CHD6: variants seen among roughly 807,000 people sequenced by gnomAD.
CHD6 encodes the protein chromodomain helicase DNA binding protein 6.
CHD6 carries 50 observed loss-of-function variants against 276.9 expected under a neutral mutation model. The observed-to-expected ratio is 0.18, with a 90% CI of 0.14 to 0.23. The LOEUF (loss-of-function observed/expected upper bound fraction) is 0.23. Among genes scored for constraint, CHD6 ranks in the 10% least tolerant of loss-of-function variants. CHD6 has a pLI of 1.00. For missense variants in CHD6, 2,564 were observed against 3,365.8 expected (o/e 0.76, Z 5.89); for synonymous variants, 1,173 against 1,229.3 (o/e 0.95, Z 0.96).
intron 1 of CHD6, among the ~76,000 whole-genome samples, chr20:41,570,014 G>A (rs1442665546): frequency 6.6e-6 from 1 of 152,036 alleles, no homozygotes; most frequent in Non-Finnish European, 1.5e-5. Context: ...CAGCTCCAAT[G>A]GCATGATTTA....
At chr20:41,593,952 T>C (rs2045691094) in intron 1 of CHD6, among the ~76,000 whole-genome samples, 2 of 151,002 alleles carry the variant, frequency 1.3e-5, no homozygotes, top group Admixed American at 1.3e-4. Context: ...TATTTTGGTA[T>C]GGCCCTAACG....
chr20:41,555,724 T>C (rs1429473272), intron 1 of CHD6, among the ~76,000 whole-genome samples: 4 of 145,176 alleles, frequency 2.8e-5, no homozygotes, highest in Admixed American at 6.8e-5. Context: ...CCTCACTTCC[T>C]AGATGGGATG....
At chr20:41,480,780 A>G (rs1234109888) in intron 16 of CHD6, among the ~76,000 whole-genome samples, 1 of 152,236 alleles carries the variant, frequency 6.6e-6, no homozygotes, top group African/African-American at 2.4e-5. Context: ...GGGAAGGTAG[A>G]GAGTGAATTA....
At chr20:41,568,697 A>G (rs2045385088) in intron 1 of CHD6, among the ~76,000 whole-genome samples, 2 of 152,346 alleles carry the variant, frequency 1.3e-5, no homozygotes, top group South Asian at 4.1e-4. Flanking sequence ...CCCTTTGTTT[A>G]AAGAGAAGAC....
At chr20:41,499,508 G>A in intron 5 of CHD6, 151 bp from the exon 6 acceptor site, 1 of 591,576 alleles carries the variant, frequency 1.7e-6, no homozygotes, top group Non-Finnish European at 2.9e-6. Flanking sequence ...GTGGTCAAAA[G>A]GTCACAAGCA....
At chr20:41,567,311 C>G (rs2045366411) in intron 1 of CHD6, among the ~76,000 whole-genome samples, 1 of 152,190 alleles carries the variant, frequency 6.6e-6, no homozygotes, top group Middle Eastern at 3.2e-3. Flanking sequence ...TCTTCGGTCA[C>G]TGTGTCTAGC....
intron 19 of CHD6, 42 bp from the exon 20 acceptor site, chr20:41,454,778 A>G (rs199804067): frequency 1.8e-5 from 25 of 1,368,066 alleles, no homozygotes; most frequent in Non-Finnish European, 2.5e-5. Flanking sequence ...CTTGAACACA[A>G]TACAAACTAA....
At chr20:41,501,752 T>G (rs1348791229) in intron 5 of CHD6, among the ~76,000 whole-genome samples, 1 of 152,174 alleles carries the variant, frequency 6.6e-6, no homozygotes, top group Non-Finnish European at 1.5e-5. Flanking sequence ...TGTCAAAAAT[T>G]TTCTCAGTGA....
chr20:41,504,556 C>A (rs2043930907), intron 5 of CHD6, among the ~76,000 whole-genome samples: 2 of 151,910 alleles, frequency 1.3e-5, no homozygotes, highest in Admixed American at 1.3e-4. Context: ...ACTACAGGCA[C>A]AAGCCACCAC....
At chr20:41,581,736 T>C (rs2045543088) in intron 1 of CHD6, among the ~76,000 whole-genome samples, 1 of 151,732 alleles carries the variant, frequency 6.6e-6, no homozygotes, top group South Asian at 2.1e-4. Context: ...ACTGAAAAAG[T>C]AAATCTACTA....
At chr20:41,544,579 G>A (rs868055985) in intron 2 of CHD6, among the ~76,000 whole-genome samples, 18 of 151,462 alleles carry the variant, frequency 1.2e-4, no homozygotes, top group African/African-American at 4.4e-4. Context: ...GATAACATTA[G>A]TAACATGAAT....
chr20:41,412,014 G>C, intron 36 of CHD6, 130 bp downstream of exon 36: 2 of 1,319,804 alleles, frequency 1.5e-6, no homozygotes, highest in Middle Eastern at 2.8e-4. Context: ...TCCTGTGCTG[G>C]CTTCTAGTCC....
chr20:41,516,209 G>T (rs2044247386), intron 3 of CHD6, among the ~76,000 whole-genome samples: 1 of 151,870 alleles, frequency 6.6e-6, no homozygotes, highest in African/African-American at 2.4e-5. Flanking sequence ...TGTTGCCCAG[G>T]ATGGGGTGCA....
chr20:41,597,435 T>A (rs2146277267), intron 1 of CHD6, among the ~76,000 whole-genome samples: 1 of 152,322 alleles, frequency 6.6e-6, no homozygotes, highest in Non-Finnish European at 1.5e-5. Context: ...TTCTCAGGAC[T>A]CAAGGCCTCC....
chr20:41,450,848 T>C, intron 23 of CHD6, 98 bp downstream of exon 23: 1 of 1,109,648 alleles, frequency 9.0e-7, no homozygotes, highest in Admixed American at 2.1e-5. Flanking sequence ...TGCACAGAAG[T>C]AGCACAAGAG....
intron 6 of CHD6, 35 bp from the exon 7 acceptor site, chr20:41,498,261 C>A (rs1455920896): frequency 6.5e-7 from 1 of 1,540,722 alleles, no homozygotes; most frequent in Non-Finnish European, 8.9e-7. Context: ...CAGCCCAGAT[C>A]CCAGGCAGAT....
intron 8 of CHD6, among the ~76,000 whole-genome samples, chr20:41,494,504 G>GT (rs778233500): frequency 1.3e-5 from 2 of 152,150 alleles, no homozygotes; most frequent in African/African-American, 2.4e-5. Context: ...AATACTTAAG[G>GT]TATGTCCAGA....
chr20:41,532,773 G>C lies in CHD6; in HGVS notation c.554+277C>G, dbSNP rs146800199. Among the ~76,000 whole-genome samples, 127 of 152,338 alleles carry C rather than the reference G, an allele frequency of 8.3e-4. 2 individuals carry two copies. In the East Asian group the frequency reaches 0.02, roughly 24 times the overall value. ...CAAAAAGAATGGTTGGGGTCTGAAG[G>C]GGGTGGGGAATTCTTGGGAGTATCC... On this transcript the variant is annotated intron_variant, in intron 3 of 36. Transcript: ENST00000373233.
chr20:41,484,311 T>C, intron 15 of CHD6, 41 bp downstream of exon 15: 1 of 1,610,438 alleles, frequency 6.2e-7, no homozygotes, highest in Non-Finnish European at 8.5e-7. Context: ...CTCGCAGAGG[T>C]CATGGCAGTC....
Sources: allele counts gnomAD v4.1 joint callset (sites outside exome capture counted in the v4.1 genomes callset), GRCh38; gene constraint gnomAD v4.1.1; transcripts MANE v1.5; gene names NCBI Gene and HGNC (gene_info 2026-07-23, HGNC 2026-07-21).